Variants in LRP1B observed in about 807,000 individuals in gnomAD.
LRP1B encodes the protein low-density lipoprotein receptor-related protein 1B.
In LRP1B, 217 loss-of-function variants were observed where a neutral mutation model predicts 556.6. The observed-to-expected ratio is 0.39, with a 90% CI of 0.35 to 0.44. The LOEUF (loss-of-function observed/expected upper bound fraction) is 0.44. Ranked by LOEUF, LRP1B falls within the 20% of genes least tolerant of loss-of-function variation. LRP1B has a pLI of 1.00. For synonymous variants in LRP1B, 2,047 were observed against 1,865.8 expected (o/e 1.10, Z -2.50); for missense variants, 5,053 against 5,620.8 (o/e 0.90, Z 3.23).
In LRP1B at chr2:140,770,982, T is replaced by C. The variant is rs774652210; in HGVS notation, c.5525A>G (p.Asn1842Ser). ...QQGSNSCQLN[N>S]GGCSQLCLPT... ...TAAACAAAGTTGAGAGCATCCACCATTGTTTAGTTGGCAGGAATTGCTGCC... is the reference window on the plus strand; with the variant it reads ...TAAACAAAGTTGAGAGCATCCACCACTGTTTAGTTGGCAGGAATTGCTGCC... The change falls in exon 34 of 91, where the codon AAT (asparagine) becomes AGT (serine). Residue 1842 changes from asparagine to serine, a missense_variant. Transcript: ENST00000389484. 1.0e-5 allele frequency: 16 copies of C among 1,580,638 alleles called. No homozygotes were observed. The South Asian group carries it at 1.4e-4, about 14-fold the overall frequency.
intron 71 of LRP1B, among the ~76,000 whole-genome samples, chr2:140,367,050 T>C (rs1039384643): frequency 2.0e-5 from 3 of 151,594 alleles, no homozygotes; most frequent in East Asian, 1.9e-4. Context: ...TCTTCTGTTT[T>C]GGGAGGAAGG....
chr2:141,152,975 T>C (rs1701961743), intron 7 of LRP1B, among the ~76,000 whole-genome samples: 1 of 150,726 alleles, frequency 6.6e-6, no homozygotes, highest in Admixed American at 6.7e-5. Flanking sequence ...AGACAGTACT[T>C]TTCTAGTTTT....
At chr2:140,998,938 C>G (rs1197422504) in intron 15 of LRP1B, among the ~76,000 whole-genome samples, 1 of 152,038 alleles carries the variant, frequency 6.6e-6, no homozygotes, top group Non-Finnish European at 1.5e-5. Flanking sequence ...CTAGACTGAA[C>G]TAAATCAGAC....
intron 23 of LRP1B, among the ~76,000 whole-genome samples, chr2:140,894,253 G>A (rs1693882301): frequency 6.6e-6 from 1 of 152,010 alleles, no homozygotes; most frequent in Non-Finnish European, 1.5e-5. Context: ...TCCTCCCTCT[G>A]TCAGTAAAAA....
At chr2:140,920,146 T>A (rs1347665249) in intron 21 of LRP1B, among the ~76,000 whole-genome samples, 1 of 152,002 alleles carries the variant, frequency 6.6e-6, no homozygotes, top group Non-Finnish European at 1.5e-5. Context: ...ACAGAGTGAC[T>A]GAAAATTCAC....
At chr2:141,354,874 G>T (rs1304363450) in intron 3 of LRP1B, among the ~76,000 whole-genome samples, 1 of 151,978 alleles carries the variant, frequency 6.6e-6, no homozygotes, top group South Asian at 2.1e-4. Flanking sequence ...AAGCAGAAAT[G>T]TTTAATGAGA....
chr2:141,209,980 C>T (rs1483800889), intron 6 of LRP1B, among the ~76,000 whole-genome samples: 1 of 151,634 alleles, frequency 6.6e-6, no homozygotes, highest in East Asian at 1.9e-4. Context: ...GAACTAGAAC[C>T]ATTATCAACT....
At chr2:140,908,333 C>CTA (rs201032924) in intron 21 of LRP1B, among the ~76,000 whole-genome samples, 10 of 140,202 alleles carry the variant, frequency 7.1e-5, no homozygotes, top group African/African-American at 1.8e-4. Flanking sequence ...CTCTCTCTCT[C>CTA]TATATATATA....
chr2:140,529,078 A>T (rs545284498), intron 47 of LRP1B, among the ~76,000 whole-genome samples: 1 of 152,082 alleles, frequency 6.6e-6, no homozygotes, highest in East Asian at 1.9e-4. Flanking sequence ...GAGATACTAC[A>T]CTTTTCCCTC....
At chr2:141,685,871 G>T (rs544493486) in intron 2 of LRP1B, among the ~76,000 whole-genome samples, 1 of 151,986 alleles carries the variant, frequency 6.6e-6, no homozygotes, top group South Asian at 2.1e-4. Flanking sequence ...ATTCCTTAGA[G>T]ATTATTTTCA....
intron 1 of LRP1B, among the ~76,000 whole-genome samples, chr2:142,023,078 G>T (rs978907075): frequency 6.6e-6 from 1 of 152,130 alleles, no homozygotes; most frequent in Non-Finnish European, 1.5e-5. Flanking sequence ...CTTATCTGAA[G>T]AATTATATCT....
At chr2:140,671,404 C>G (rs1210433463) in intron 41 of LRP1B, among the ~76,000 whole-genome samples, 1 of 152,118 alleles carries the variant, frequency 6.6e-6, no homozygotes, top group Admixed American at 6.5e-5. Flanking sequence ...GCCTGTAGTA[C>G]CAGCTACTTG....
At chr2:141,413,203 G>A (rs1690921939) in intron 3 of LRP1B, among the ~76,000 whole-genome samples, 2 of 152,164 alleles carry the variant, frequency 1.3e-5, no homozygotes, top group South Asian at 2.1e-4. Context: ...CTCCATCTGG[G>A]CAACAGAGTG....
chr2:140,373,287 T>C (rs1045362438), intron 68 of LRP1B, 150 bp from the exon 69 acceptor site: 4 of 680,238 alleles, frequency 5.9e-6, no homozygotes, highest in African/African-American at 5.5e-5. Flanking sequence ...AACATAGATG[T>C]AATTAAAATT....
intron 20 of LRP1B, among the ~76,000 whole-genome samples, chr2:140,946,991 A>T (rs1395003030): frequency 6.6e-6 from 1 of 152,200 alleles, no homozygotes; most frequent in Non-Finnish European, 1.5e-5. Context: ...GTGAACATAA[A>T]GATGGGAACA....
In LRP1B at chr2:141,058,912, C is replaced by G. The variant is rs1172668136; in HGVS notation, c.1379G>C (p.Arg460Pro). 1.3e-6 allele frequency: 2 copies of G among 1,588,798 alleles called. No homozygotes were observed. Among genetic ancestry groups the G allele is most frequent in the Non-Finnish European group, 1.7e-6 (2 of 1,170,630 alleles). Residue 460 changes from arginine to proline, a missense_variant, in exon 9 of 91, where the codon CGA becomes CCA. Around this residue, in one of 5 missense-constraint regions of LRP1B, gnomAD observed 3,619 missense variants for 3,931.9 expected, o/e 0.92. Coordinates refer to ENST00000389484, the MANE Select transcript of LRP1B (RefSeq NM_018557.3). The stretch of plus-strand genomic sequence containing the variant: ...TGGTTGAGTTCTTTTTTGATAAATT[C>G]GGATTCCCCAAGCATTCTCAATTTT... ...LIKIENAWGI[R>P]IYQKRTQPTV... is the part of the protein sequence containing the mutation.
At chr2:141,121,370 G>A (rs781262035) in intron 7 of LRP1B, among the ~76,000 whole-genome samples, 2 of 151,894 alleles carry the variant, frequency 1.3e-5, no homozygotes, top group Admixed American at 6.6e-5. Flanking sequence ...ATCACTTATG[G>A]TTAGGGCACA....
At chr2:141,432,987 T>C (rs1180161464) in intron 3 of LRP1B, among the ~76,000 whole-genome samples, 2 of 152,020 alleles carry the variant, frequency 1.3e-5, no homozygotes, top group Non-Finnish European at 2.9e-5. Flanking sequence ...GTGTAAGTTA[T>C]CTATGTGAGA....
intron 1 of LRP1B, among the ~76,000 whole-genome samples, chr2:141,893,495 A>AT (rs76236748): frequency 0.85 from 129,844 of 152,118 alleles, 55,688 homozygotes; most frequent in East Asian, 1. Context: ...GCCACCACTG[A>AT]TTTTTTACAT....
Sources: allele counts gnomAD v4.1 joint callset (sites outside exome capture counted in the v4.1 genomes callset), GRCh38; gene constraint gnomAD v4.1.1; regional missense constraint gnomAD v4.1.1; transcripts MANE v1.5; gene names NCBI Gene and HGNC (gene_info 2026-07-23, HGNC 2026-07-21).